The following ING5 variants were observed in gnomAD, a reference collection of about 807,000 sequenced individuals.
The protein encoded by ING5 is inhibitor of growth family member 5, also known as inhibitor of growth protein 5.
Under a neutral mutation model 37.4 loss-of-function variants are expected in ING5, and 17 were observed. The observed-to-expected ratio is 0.45, with a 90% confidence interval of 0.31 to 0.68. The LOEUF is 0.68. Among genes scored for constraint, ING5 ranks in the 30% least tolerant of loss-of-function variants. ING5 has a pLI of 0.05. For synonymous variants in ING5, 123 were observed against 116.6 expected (o/e 1.06, Z -0.36); for missense variants, 233 against 311.9 (o/e 0.75, Z 1.91).
chr2:241,724,113 G>C, intron 7 of ING5: 3 of 1,253,702 alleles, frequency 2.4e-6, no homozygotes, highest in Non-Finnish European at 3.0e-6. Context: ...GTGCTCTTCT[G>C]TGTGGCACTC....
At chr2:241,691,987 G>A (rs1399337826) in intron 2 of ING5, among the ~76,000 whole-genome samples, 3 of 152,168 alleles carry the variant, frequency 2.0e-5, no homozygotes, top group South Asian at 4.1e-4. Flanking sequence ...GGTTGAGGCT[G>A]CAGTGAGCCA....
At chr2:241,698,302 G>A (rs369705334), upstream of ING5, among the ~76,000 whole-genome samples, 31 of 151,950 alleles carry the variant, frequency 2.0e-4, no homozygotes, top group African/African-American at 6.5e-4. Flanking sequence ...AAAATTAGCC[G>A]GGCATGGTGG....
chr2:241,723,484 C>T (rs868589738), intron 7 of ING5, among the ~76,000 whole-genome samples: 7 of 152,218 alleles, frequency 4.6e-5, no homozygotes, highest in Non-Finnish European at 7.3e-5. Flanking sequence ...TGTGCCTGTC[C>T]GAGCTGGCAG....
intron 5 of ING5, among the ~76,000 whole-genome samples, chr2:241,713,307 C>T (rs1262744127): frequency 6.6e-6 from 1 of 151,538 alleles, no homozygotes; most frequent in Non-Finnish European, 1.5e-5. Context: ...ATCCACCTGC[C>T]TCGGCCTCCC....
At chr2:241,697,987 G>A (rs560073273), upstream of ING5, among the ~76,000 whole-genome samples, 1 of 151,544 alleles carries the variant, frequency 6.6e-6, no homozygotes, top group Non-Finnish European at 1.5e-5. Context: ...GGAGGCTGAG[G>A]CAGGAGAATG....
chr2:241,719,698 T>C, intron 5 of ING5: 1 of 1,514,452 alleles, frequency 6.6e-7, no homozygotes, highest in South Asian at 1.2e-5. Flanking sequence ...CGGGGCTTCC[T>C]CCCTGAGGGC....
At chr2:241,724,166 C>A in intron 7 of ING5, 1 of 748,976 alleles carries the variant, frequency 1.3e-6, no homozygotes, top group Non-Finnish European at 1.7e-6. Context: ...GGCAGACTCG[C>A]CCGAGTTGGT....
intron 2 of ING5, among the ~76,000 whole-genome samples, chr2:241,708,029 C>G (rs2069978374): frequency 6.6e-6 from 1 of 152,148 alleles, no homozygotes; most frequent in South Asian, 2.1e-4. Flanking sequence ...TCCTGAGTAG[C>G]TGGGACCATA....
chr2:241,688,990 A>T (rs1276878058), intron 1 of ING5, among the ~76,000 whole-genome samples: 1 of 151,740 alleles, frequency 6.6e-6, no homozygotes, highest in Non-Finnish European at 1.5e-5. Flanking sequence ...TTTAGTAGAG[A>T]CGGGGTTTCA....
intron 2 of ING5, among the ~76,000 whole-genome samples, chr2:241,695,162 G>A (rs1288090925): frequency 6.6e-6 from 1 of 151,618 alleles, no homozygotes; most frequent in Non-Finnish European, 1.5e-5. Context: ...ATGTCTTAGG[G>A]CTACCAAAGT....
chr2:241,702,024 A>G, upstream of ING5: 2 of 1,334,746 alleles, frequency 1.5e-6, no homozygotes, highest in Non-Finnish European at 1.9e-6. Flanking sequence ...CTCCCGCGGC[A>G]CCGCCCGCCC....
At chr2:241,713,434 G>A (rs1212530711) in intron 5 of ING5, among the ~76,000 whole-genome samples, 17 of 122,126 alleles carry the variant, frequency 1.4e-4, no homozygotes, top group East Asian at 5.1e-4. Context: ...GTGGTGGCGC[G>A]ATCTCAGCTC....
Position 241,728,707 on chromosome 2 carries a change from G to T in ING5, c.*3676G>T, listed in dbSNP as rs1166065968. The T allele has an allele frequency of 1.3e-5, 2 of 152,180 alleles. No individual in the cohort carries two copies. The highest frequency in any genetic ancestry group is 2.9e-5 in the Non-Finnish European group (2 of 68,042). 9.4% of individuals were successfully genotyped at this position (152,180 alleles called of 1,614,324 possible). A position where few individuals can be genotyped will look rare whatever the true frequency, so the allele number is the denominator to read the frequency against. On this transcript the variant is annotated 3_prime_UTR_variant, in exon 8 of 8. Coordinates refer to ENST00000313552, the MANE Select transcript of ING5 (RefSeq NM_032329.6). ...CATGCTGGACGGGACCCCTGGGCGG[G>T]TGGACATGAGACCACTGTTGGCCAG...
chr2:241,719,950 A>C, intron 5 of ING5: 1 of 1,277,794 alleles, frequency 7.8e-7, no homozygotes. Flanking sequence ...TTGTGTGTGA[A>C]TCTCTTTCTT....
At position 241,712,080 on chromosome 2, in the gene ING5, C is replaced by A; in HGVS notation, c.482+9C>A. The A allele has an allele frequency of 6.3e-7, 1 of 1,577,088 alleles. No homozygotes were observed. Among genetic ancestry groups the A allele is most frequent in the Admixed American group, 1.9e-5 (1 of 53,432 alleles). On this transcript the variant is annotated intron_variant, in intron 5 of 7. Transcript: ENST00000313552. ...AAGAAGCACAAAGGAGGGTAAGAGGCTTTCCCCTCTTTTTCCCAAAAGAAC... is the reference window on the plus strand; with the variant it reads ...AAGAAGCACAAAGGAGGGTAAGAGGATTTCCCCTCTTTTTCCCAAAAGAAC...
intron 7 of ING5, chr2:241,723,708 G>A: frequency 6.4e-7 from 1 of 1,556,202 alleles, no homozygotes; most frequent in South Asian, 1.1e-5. Context: ...CCCTGGCTCT[G>A]TCTAGTGGAG....
intron 7 of ING5, 195 bp from the exon 8 acceptor site, chr2:241,724,794 G>A (rs1323778521): frequency 1.9e-5 from 11 of 592,962 alleles, no homozygotes; most frequent in Admixed American, 3.0e-5. Context: ...CTTCAGAACC[G>A]GCGTCCTGCA....
intron 2 of ING5, among the ~76,000 whole-genome samples, chr2:241,706,222 C>A (rs151129005): frequency 2.2e-3 from 342 of 152,212 alleles, no homozygotes; most frequent in African/African-American, 7.7e-3. Flanking sequence ...TTTCACCCCT[C>A]TTCAGTGTGG....
At chr2:241,709,424 A>G (rs374775483) in intron 3 of ING5, 42 bp downstream of exon 3, 102 of 1,544,086 alleles carry the variant, frequency 6.6e-5, no homozygotes, top group Non-Finnish European at 8.7e-5. Context: ...TCTGACCTCT[A>G]CTCCTGCCTC....
Sources: allele counts gnomAD v4.1 joint callset (sites outside exome capture counted in the v4.1 genomes callset), GRCh38; gene constraint gnomAD v4.1.1; transcripts MANE v1.5; gene names NCBI Gene and HGNC (gene_info 2026-07-23, HGNC 2026-07-21).